Variants in USP32 observed in about 807,000 individuals in gnomAD.
The protein encoded by USP32 is ubiquitin specific peptidase 32.
USP32 carries 59 observed loss-of-function variants against 204.8 expected under a neutral mutation model. That is an observed-to-expected ratio of 0.29 (90% CI 0.23 to 0.36). USP32 has a LOEUF of 0.36. Ranked by LOEUF, USP32 falls within the 10% of genes least tolerant of loss-of-function variation. The pLI is 1.00. For synonymous variants in USP32, 517 were observed against 678.4 expected, an observed-to-expected ratio of 0.76 and a Z score of 3.70; for missense variants, 1,160 against 1,946.4, an observed-to-expected ratio of 0.60 and a Z score of 7.60.
chr17:60,323,035 A>G (rs572117422), intron 2 of USP32, among the ~76,000 whole-genome samples: 36 of 152,304 alleles, frequency 2.4e-4, no homozygotes, highest in African/African-American at 7.7e-4. Context: ...TGGAACCCAC[A>G]TATACTATTG....
upstream of USP32, among the ~76,000 whole-genome samples, chr17:60,392,806 G>T (rs2089864523): frequency 6.6e-6 from 1 of 152,108 alleles, no homozygotes; most frequent in Admixed American, 6.5e-5. Flanking sequence ...GCCTTTTCGG[G>T]TCATCTCGCC....
At chr17:60,387,670 T>G (rs1269746509) in intron 1 of USP32, among the ~76,000 whole-genome samples, 1 of 152,208 alleles carries the variant, frequency 6.6e-6, no homozygotes, top group African/African-American at 2.4e-5. Flanking sequence ...TGATACAACT[T>G]ACAATGAGAT....
chr17:60,249,539 T>C, intron 11 of USP32: 1 of 515,080 alleles, frequency 1.9e-6, no homozygotes. Flanking sequence ...CATGATGGTA[T>C]GTATTTATTT....
chr17:60,285,056 C>T (rs997236301), intron 5 of USP32, among the ~76,000 whole-genome samples: 1 of 152,188 alleles, frequency 6.6e-6, no homozygotes, highest in Non-Finnish European at 1.5e-5. Context: ...GTCTTCCTCA[C>T]AGTTTTAACA....
intron 21 of USP32, among the ~76,000 whole-genome samples, chr17:60,209,897 T>G (rs1254926709): frequency 6.6e-6 from 1 of 152,138 alleles, no homozygotes; most frequent in Non-Finnish European, 1.5e-5. Flanking sequence ...TTTTACATTT[T>G]TATATGCATA....
intron 2 of USP32, among the ~76,000 whole-genome samples, chr17:60,324,862 G>A (rs1372561879): frequency 6.6e-6 from 1 of 152,106 alleles, no homozygotes; most frequent in Non-Finnish European, 1.5e-5. Flanking sequence ...AATTAGCCAG[G>A]TGTGGTGGCG....
At chr17:60,404,896 G>A (rs897199735) in intron 1 of USP32, among the ~76,000 whole-genome samples, 4 of 152,158 alleles carry the variant, frequency 2.6e-5, no homozygotes, top group African/African-American at 7.2e-5. Flanking sequence ...AGCTGTTTGG[G>A]TGGGTGCGAT....
At chr17:60,231,692 A>G (rs1477537454) in intron 12 of USP32, 2 of 442,016 alleles carry the variant, frequency 4.5e-6, no homozygotes, top group Non-Finnish European at 9.4e-6. Context: ...TTACGTGATA[A>G]CTAAATAGGA....
intron 5 of USP32, among the ~76,000 whole-genome samples, chr17:60,278,927 AAC>A (rs1201692777): frequency 6.6e-6 from 1 of 152,242 alleles, no homozygotes; most frequent in African/African-American, 2.4e-5. Context: ...TCCAAACTCC[AAC>A]ACTGTGTGTA....
intron 1 of USP32, among the ~76,000 whole-genome samples, chr17:60,399,549 G>T (rs1157811280): frequency 6.6e-6 from 1 of 152,056 alleles, no homozygotes; most frequent in Non-Finnish European, 1.5e-5. Context: ...TGTAGTCCCA[G>T]ATGCTTGGGA....
At chr17:60,228,501 CTTT>C (rs1018176786) in intron 12 of USP32, among the ~76,000 whole-genome samples, 8 of 104,108 alleles carry the variant, frequency 7.7e-5, no homozygotes, top group East Asian at 2.4e-4. Flanking sequence ...TTTTCTTTTT[CTTT>C]TTTTTTTTTT....
intron 30 of USP32, among the ~76,000 whole-genome samples, chr17:60,184,536 C>T (rs1167683562): frequency 2.0e-5 from 3 of 152,112 alleles, no homozygotes; most frequent in South Asian, 4.2e-4. Context: ...TGGCTGGGCA[C>T]GGTGGCTCAC....
intron 29 of USP32, among the ~76,000 whole-genome samples, chr17:60,189,358 C>G (rs968920826): frequency 6.6e-6 from 1 of 152,140 alleles, no homozygotes; most frequent in South Asian, 2.1e-4. Flanking sequence ...CATAGCACAA[C>G]AAGACAGAAA....
intron 2 of USP32, chr17:60,305,273 G>A (rs2087694531): frequency 1.3e-5 from 2 of 152,224 alleles, no homozygotes; most frequent in South Asian, 4.1e-4. Flanking sequence ...GTGACAGAAA[G>A]TGAAGGGGGA....
At chr17:60,330,468 CTTTCTTTTCTTTTCCTTTCCTTT>C (rs1196702293) in intron 2 of USP32, among the ~76,000 whole-genome samples, 1 of 151,544 alleles carries the variant, frequency 6.6e-6, no homozygotes, top group East Asian at 1.9e-4. Context: ...TTCCTTCCTT[CTTTCTTTTCTTTTCCTTTCCTTT>C]TTCTTTCTCT....
chr17:60,312,773 A>G (rs1475624317), intron 2 of USP32, among the ~76,000 whole-genome samples: 4 of 152,240 alleles, frequency 2.6e-5, no homozygotes, highest in Non-Finnish European at 5.9e-5. Context: ...CTTAAAAGCC[A>G]TCTTTAGGTA....
At chr17:60,400,154 G>A (rs897903059) in intron 1 of USP32, among the ~76,000 whole-genome samples, 7 of 152,078 alleles carry the variant, frequency 4.6e-5, no homozygotes, top group Non-Finnish European at 8.8e-5. Context: ...TAGTAGAAAC[G>A]GGGTTTCACC....
chr17:60,244,029 GTTT>G (rs34842511), intron 11 of USP32, among the ~76,000 whole-genome samples: 61 of 71,686 alleles, frequency 8.5e-4, no homozygotes, highest in African/African-American at 3.0e-3. Context: ...GCTGGATTGT[GTTT>G]TTTTTTTTTT....
chr17:60,239,343 C>T (rs1046344937), intron 11 of USP32, among the ~76,000 whole-genome samples: 2 of 151,938 alleles, frequency 1.3e-5, no homozygotes, highest in Non-Finnish European at 2.9e-5. Flanking sequence ...TTCTTTAAGT[C>T]CAATGAGCTT....
Sources: allele counts gnomAD v4.1 joint callset (sites outside exome capture counted in the v4.1 genomes callset), GRCh38; gene constraint gnomAD v4.1.1; transcripts MANE v1.5; gene names NCBI Gene and HGNC (gene_info 2026-07-23, HGNC 2026-07-21).